Variants in ATOSA observed in about 807,000 individuals in gnomAD.
The protein encoded by ATOSA is atos homolog A, also known as atos homolog protein A.
the ATOSA span, among the ~76,000 whole-genome samples, chr15:52,661,971 A>C: frequency 1.3e-5 from 2 of 151,488 alleles, no homozygotes; most frequent in Non-Finnish European, 2.9e-5. Context: ...AAAAGGAGTA[A>C]TGAATGATCA....
At chr15:52,610,553 T>C in the ATOSA span, among the ~76,000 whole-genome samples, 4 of 152,226 alleles carry the variant, frequency 2.6e-5, no homozygotes, top group African/African-American at 7.2e-5. Context: ...ATAAAACCAA[T>C]GTAAGTGATA....
chr15:52,624,413 A>G, the ATOSA span, among the ~76,000 whole-genome samples: 1 of 152,162 alleles, frequency 6.6e-6, no homozygotes, highest in African/African-American at 2.4e-5. Context: ...TAGGCTATAA[A>G]TGGTTACTGT....
the ATOSA span, among the ~76,000 whole-genome samples, chr15:52,644,701 T>C: frequency 6.6e-6 from 1 of 152,238 alleles, no homozygotes; most frequent in Non-Finnish European, 1.5e-5. Context: ...ATTGTTTTTC[T>C]ATATTATCAA....
chr15:52,608,181 G>C, the ATOSA span, among the ~76,000 whole-genome samples: 1 of 152,122 alleles, frequency 6.6e-6, no homozygotes, highest in African/African-American at 2.4e-5. Context: ...GTGAGCCATT[G>C]TGCCTGGCCT....
At chr15:52,590,306 C>A in the ATOSA span, among the ~76,000 whole-genome samples, 3 of 152,162 alleles carry the variant, frequency 2.0e-5, no homozygotes, top group African/African-American at 7.2e-5. Flanking sequence ...ACTGGCACAC[C>A]TGCCTTAGAT....
At chr15:52,628,633 C>G in the ATOSA span, among the ~76,000 whole-genome samples, 1 of 151,998 alleles carries the variant, frequency 6.6e-6, no homozygotes, top group Non-Finnish European at 1.5e-5. Flanking sequence ...CTAGATACAG[C>G]AAAACTTTTA....
the ATOSA span, chr15:52,611,332 T>C: frequency 1.3e-6 from 2 of 1,537,432 alleles, no homozygotes; most frequent in Non-Finnish European, 1.8e-6. Context: ...GAAGCTGAGA[T>C]CCATAAACTT....
chr15:52,608,248 C>G, the ATOSA span, among the ~76,000 whole-genome samples: 2 of 152,090 alleles, frequency 1.3e-5, no homozygotes, highest in Middle Eastern at 3.2e-3. Context: ...AGGGGGAGAA[C>G]AGAGCTAAAA....
the ATOSA span, among the ~76,000 whole-genome samples, chr15:52,687,312 G>C: frequency 1.3e-5 from 2 of 152,266 alleles, no homozygotes; most frequent in Non-Finnish European, 2.9e-5. Context: ...GGCTGAGGCA[G>C]GAAAATGGCG....
chr15:52,610,135 C>T, the ATOSA span: 1 of 1,613,968 alleles, frequency 6.2e-7, no homozygotes, highest in South Asian at 1.1e-5. Flanking sequence ...ACTGTTTGTA[C>T]CACATTGTTC....
At chr15:52,587,603 A>G in the ATOSA span, 3 of 154,496 alleles carry the variant, frequency 1.9e-5, no homozygotes, top group Middle Eastern at 6.6e-3. Flanking sequence ...GTAAAAAGTC[A>G]CAAGTGTAGG....
chr15:52,594,820 T>C, the ATOSA span, among the ~76,000 whole-genome samples: 1 of 152,218 alleles, frequency 6.6e-6, no homozygotes, highest in South Asian at 2.1e-4. Context: ...TAGTGTATCC[T>C]CTGTACTACT....
chr15:52,613,363 C>G, the ATOSA span, among the ~76,000 whole-genome samples: 1 of 152,188 alleles, frequency 6.6e-6, no homozygotes, highest in African/African-American at 2.4e-5. Flanking sequence ...GAGACTCCGT[C>G]TCAAATATAT....
the ATOSA span, among the ~76,000 whole-genome samples, chr15:52,597,751 T>C: frequency 6.6e-6 from 1 of 152,202 alleles, no homozygotes; most frequent in Non-Finnish European, 1.5e-5. Context: ...TCCAATCTTT[T>C]GGCTTCCCTG....
chr15:52,595,059 T>C, the ATOSA span, among the ~76,000 whole-genome samples: 1 of 152,184 alleles, frequency 6.6e-6, no homozygotes, highest in African/African-American at 2.4e-5. Flanking sequence ...TGAAGTTCCC[T>C]TTGTCTAGAA....
the ATOSA span, among the ~76,000 whole-genome samples, chr15:52,660,900 C>T: frequency 2.0e-5 from 3 of 152,180 alleles, no homozygotes; most frequent in African/African-American, 7.2e-5. Context: ...GTGATCCACC[C>T]GCCTTGGTCT....
the ATOSA span, chr15:52,587,057 A>T: frequency 6.3e-7 from 1 of 1,589,366 alleles, no homozygotes. Context: ...GTTACTTACC[A>T]AAGTTGTTGC....
the ATOSA span, chr15:52,656,993 A>T: frequency 6.6e-6 from 1 of 152,158 alleles, no homozygotes; most frequent in African/African-American, 2.4e-5. Context: ...ATTATAATAA[A>T]ATAACATTTT....
the ATOSA span, among the ~76,000 whole-genome samples, chr15:52,617,332 T>C: frequency 6.6e-6 from 1 of 152,154 alleles, no homozygotes; most frequent in African/African-American, 2.4e-5. Flanking sequence ...CAGCTGTCTG[T>C]GAGCCAGGAA....
Sources: gnomAD v4.1 joint callset for allele counts (sites outside exome capture counted in the v4.1 genomes callset) on GRCh38, gnomAD v4.1.1 for gene constraint, MANE v1.5 for transcripts, NCBI Gene and HGNC (gene_info 2026-07-23, HGNC 2026-07-21) for gene names.